Variants in UNK observed in about 807,000 individuals in gnomAD.
UNK encodes the protein unk zinc finger.
UNK carries 32 observed loss-of-function variants against 97.6 expected under a neutral mutation model. That is an observed-to-expected ratio of 0.33 (90% CI 0.25 to 0.44). The LOEUF (loss-of-function observed/expected upper bound fraction) is 0.44. UNK is among the 20% of genes least tolerant of loss of function. UNK has a pLI of 1.00. For missense variants in UNK, 771 were observed against 1,098.4 expected, an observed-to-expected ratio of 0.70 and a Z score of 4.21; for synonymous variants, 441 against 461.2, an observed-to-expected ratio of 0.96 and a Z score of 0.56.
intron 6 of UNK, among the ~76,000 whole-genome samples, chr17:75,814,162 TG>T (rs1185437904): frequency 7.1e-6 from 1 of 141,204 alleles, no homozygotes; most frequent in African/African-American, 2.6e-5. Flanking sequence ...CTGGCCACTC[TG>T]GGCTTTCCAC....
chr17:75,822,804 CT>C (rs1404961008), intron 14 of UNK, 146 bp downstream of exon 14: 2 of 1,085,100 alleles, frequency 1.8e-6, no homozygotes, highest in Admixed American at 6.5e-5. Context: ...CGCTCTCCCC[CT>C]GGGAGGACTC....
chr17:75,813,336 A>C, intron 5 of UNK, 123 bp downstream of exon 5: 1 of 1,348,024 alleles, frequency 7.4e-7, no homozygotes, highest in Non-Finnish European at 9.9e-7. Flanking sequence ...ACAGGATCGC[A>C]AGCCCAGGGC....
Position 75,818,386 on chromosome 17 carries a change from C to T in UNK, c.1371+218C>T, listed in dbSNP as rs545220109. Reference sequence around the variant, plus strand: ...AGAAGGTGTTCCTGGAGCCTCTGCACTCTGCCAGGCCCTGTACTCGCTTCT... The same window carrying T: ...AGAAGGTGTTCCTGGAGCCTCTGCATTCTGCCAGGCCCTGTACTCGCTTCT... On this transcript the variant is annotated intron_variant, in intron 10 of 15. Coordinates refer to ENST00000589666, the MANE Select transcript of UNK (RefSeq NM_001080419.3). The surrounding 1 kb of genome is among the most constrained non-coding windows in gnomAD (Gnocchi z 5.1). 5.3e-5 allele frequency among the ~76,000 whole-genome samples: 8 copies of T among 152,316 alleles called. No homozygotes were observed. The East Asian group carries it at 1.2e-3, about 22-fold the overall frequency.
chr17:75,804,976 G>A (rs2061897608), intron 1 of UNK, among the ~76,000 whole-genome samples: 1 of 151,566 alleles, frequency 6.6e-6, no homozygotes, highest in African/African-American at 2.4e-5. Context: ...GGTGGATCAC[G>A]AGGTCAGGAG....
intron 1 of UNK, among the ~76,000 whole-genome samples, chr17:75,807,272 A>C (rs1358385925): frequency 6.6e-6 from 1 of 152,132 alleles, no homozygotes; most frequent in Non-Finnish European, 1.5e-5. Context: ...CTGCAATCCC[A>C]GCTACTCTGG....
chr17:75,785,622 C>T (rs892344501), intron 1 of UNK: 2 of 152,286 alleles, frequency 1.3e-5, no homozygotes, highest in Non-Finnish European at 2.9e-5. Context: ...TGTCTGCAGG[C>T]TCAGCAGAAA....
intron 1 of UNK, among the ~76,000 whole-genome samples, chr17:75,804,256 C>A (rs1240395320): frequency 6.6e-6 from 1 of 152,110 alleles, no homozygotes; most frequent in Non-Finnish European, 1.5e-5. Flanking sequence ...GAGTTCAAGA[C>A]CAGCCTGGCC....
In UNK at chr17:75,795,064, TTC is replaced by T. The variant is rs2061793899; in HGVS notation, c.104+10086_104+10087del. ...GGGCAGCAGCATCTTCAGAGAACAGTTCTCTCTTCCACGTCCACTTGAATTCT... is the reference window on the plus strand; with the variant it reads ...GGGCAGCAGCATCTTCAGAGAACAGTTCTCTTCCACGTCCACTTGAATTCT... On this transcript the variant is annotated intron_variant, in intron 1 of 15. Coordinates refer to ENST00000589666, the MANE Select transcript of UNK (RefSeq NM_001080419.3). Among the ~76,000 whole-genome samples the T allele has an allele frequency of 2.0e-5, 3 of 152,090 alleles. No individual in the cohort carries two copies. In the South Asian group the frequency reaches 6.2e-4, roughly 31 times the overall value.
intron 1 of UNK, among the ~76,000 whole-genome samples, chr17:75,804,463 A>G (rs1268806761): frequency 6.6e-6 from 1 of 152,044 alleles, no homozygotes; most frequent in African/African-American, 2.4e-5. Context: ...TAAAAAATAA[A>G]AATAAAAAAT....
At chr17:75,823,728 T>C (rs913446103) in intron 15 of UNK, among the ~76,000 whole-genome samples, 9 of 152,190 alleles carry the variant, frequency 5.9e-5, no homozygotes, top group African/African-American at 2.2e-4. Context: ...GTGAGGGGTG[T>C]CGGTGCCACC....
At chr17:75,821,597 T>C (rs1250989964) in intron 13 of UNK, 3 of 456,538 alleles carry the variant, frequency 6.6e-6, no homozygotes, top group Non-Finnish European at 1.3e-5. Context: ...GTGGGTGCAC[T>C]TGTGTGTCTC....
In UNK at chr17:75,818,721, C is replaced by G. The variant is rs370096297; in HGVS notation, c.1451C>G (p.Thr484Ser). 2.0e-5 allele frequency: 32 copies of G among 1,611,766 alleles called. No homozygotes were observed. The highest frequency in any genetic ancestry group is 2.5e-5 in the Non-Finnish European group (30 of 1,178,948). ...SSSITSSLAA[T>S]PPSPVGTSSV... ...AGTATCACCTCCAGCCTGGCAGCTACCCCCCCTAGCCCAGTGGGCACCAGC... is the reference window on the plus strand; with the variant it reads ...AGTATCACCTCCAGCCTGGCAGCTAGCCCCCCTAGCCCAGTGGGCACCAGC... Residue 484 changes from threonine to serine, a missense_variant, in exon 11 of 16, where the codon ACC becomes AGC. By Grantham distance (58) the Thr-to-Ser change is moderately conservative (BLOSUM62 1). Coordinates refer to ENST00000589666, the MANE Select transcript of UNK (RefSeq NM_001080419.3). The surrounding 1 kb of genome is among the most constrained non-coding windows in gnomAD (Gnocchi z 5.1).
At position 75,819,782 on chromosome 17, in the gene UNK, A is replaced by G; in HGVS notation, c.1645A>G (p.Ile549Val). The G allele has an allele frequency of 2.5e-6, 4 of 1,613,762 alleles. No homozygotes were observed. Among genetic ancestry groups the G allele is most frequent in the South Asian group, 1.1e-5 (1 of 91,092 alleles). The part of the protein sequence containing the change: ...STVPHPGSIT[I>V]GGSLLQSSAP... ...AGTGCCCCACCCAGGAAGCATCACC[A>G]TCGGTACTGGGTGTGGGTGGGCAGG... Residue 549 changes from isoleucine to valine, a missense_variant, in exon 12 of 16, where the codon ATC becomes GTC. This residue lies in a region of UNK where 91 missense variants were observed against 173.1 expected (regional missense o/e 0.53). Coordinates refer to ENST00000589666, the MANE Select transcript of UNK (RefSeq NM_001080419.3). The surrounding 1 kb of genome is among the most constrained non-coding windows in gnomAD (Gnocchi z 5.4).
At position 75,820,102 on chromosome 17, in the gene UNK, T is replaced by C. The variant is rs2062053567; in HGVS notation, c.1831T>C (p.Ser611Pro). Reference sequence around the variant, plus strand: ...TTTGGGAACCTCAGCATCACATGGATCTTTGGGTAAGAGAGGGAGTGGTTC... The same window carrying C: ...TTTGGGAACCTCAGCATCACATGGACCTTTGGGTAAGAGAGGGAGTGGTTC... ...TFLGTSASHG[S>P]LGLNGMNSSI... Residue 611 changes from serine (S) to proline (P), a missense_variant, in exon 13 of 16, where the codon TCT (serine) becomes CCT (proline). Ser to Pro is a moderately conservative substitution (Grantham distance 74). Around this residue, in one of 5 missense-constraint regions of UNK, gnomAD observed 91 missense variants for 173.1 expected, o/e 0.53. Transcript: ENST00000589666. 6.2e-7 allele frequency: 1 copy of C among 1,609,240 alleles called. No homozygotes were observed. The highest frequency in any genetic ancestry group is 1.7e-5 in the Admixed American group (1 of 59,562).
At position 75,812,298 on chromosome 17, in the gene UNK, G is replaced by A; in HGVS notation, c.491+10G>A. 6.2e-7 allele frequency: 1 copy of A among 1,606,648 alleles called. No homozygotes were observed. Among genetic ancestry groups the A allele is most frequent in the Non-Finnish European group, 8.5e-7 (1 of 1,175,178 alleles). On this transcript the variant is annotated intron_variant, in intron 3 of 15. Transcript: ENST00000589666. Reference sequence around the variant, plus strand: ...CTGTCTACGACATCAGGTGGGCTGGGTGCTGGGCTGGGCTGATGGCAGTAG... The same window carrying A: ...CTGTCTACGACATCAGGTGGGCTGGATGCTGGGCTGGGCTGATGGCAGTAG...
chr17:75,804,141 C>T (rs1335658860), intron 1 of UNK, among the ~76,000 whole-genome samples: 1 of 152,162 alleles, frequency 6.6e-6, no homozygotes, highest in Non-Finnish European at 1.5e-5. Context: ...AATGTGAACA[C>T]AAAGGAAATT....
At chr17:75,806,153 C>T (rs867929991) in intron 1 of UNK, among the ~76,000 whole-genome samples, 9 of 151,516 alleles carry the variant, frequency 5.9e-5, no homozygotes, top group African/African-American at 1.7e-4. Flanking sequence ...ACCATCTGGT[C>T]CTTTACAAGA....
chr17:75,804,297 A>T (rs1390322250), intron 1 of UNK, among the ~76,000 whole-genome samples: 2 of 151,986 alleles, frequency 1.3e-5, no homozygotes, highest in Admixed American at 6.6e-5. Flanking sequence ...CTACCAAAAA[A>T]TACAAAAATT....
In UNK at chr17:75,818,877, T is replaced by A; in HGVS notation, c.1546+61T>A. ...GGGTCTGGGGTCAGAGACCCCCCAGTCTCTGAAGCGAGTCTCAAATCAGCA... is the reference window on the plus strand; with the variant it reads ...GGGTCTGGGGTCAGAGACCCCCCAGACTCTGAAGCGAGTCTCAAATCAGCA... On this transcript the variant is annotated intron_variant, in intron 11 of 15. Coordinates refer to ENST00000589666, the MANE Select transcript of UNK (RefSeq NM_001080419.3). The surrounding 1 kb of genome is among the most constrained non-coding windows in gnomAD (Gnocchi z 5.1). 6.8e-7 allele frequency: 1 copy of A among 1,461,476 alleles called. No individual in the cohort carries two copies. Among genetic ancestry groups the A allele is most frequent in the Non-Finnish European group, 9.1e-7 (1 of 1,101,066 alleles). The allele number at this position is 1,461,476 out of a possible 1,614,324, so 90.5% of individuals were successfully genotyped here.
Sources: gnomAD v4.1 joint callset for allele counts (sites outside exome capture counted in the v4.1 genomes callset) on GRCh38, gnomAD v4.1.1 for gene constraint, gnomAD v4.1.1 regional missense constraint, Gnocchi (gnomAD v3.1) non-coding constraint, MANE v1.5 for transcripts, NCBI Gene and HGNC (gene_info 2026-07-23, HGNC 2026-07-21) for gene names.